The following RASEF variants were observed in gnomAD, a reference collection of about 807,000 sequenced individuals.
RASEF encodes the protein ras and EF-hand domain-containing protein.
A neutral mutation model predicts 90.1 loss-of-function variants in RASEF; 68 were observed. That is an observed-to-expected ratio of 0.75 (90% confidence interval 0.62 to 0.92). The LOEUF (loss-of-function observed/expected upper bound fraction) is 0.92, where lower values mean the gene tolerates loss of function less well. RASEF is among the 40% of genes least tolerant of loss of function. The probability of loss-of-function intolerance (pLI) is 0.00; values close to 1 mark genes in which losing one functional copy is unlikely to be tolerated. For synonymous variants in RASEF, 331 were observed against 345.2 expected, an observed-to-expected ratio of 0.96 and a Z score of 0.46; for missense variants, 949 against 937.2, an observed-to-expected ratio of 1.01 and a Z score of -0.16.
At chr9:83,071,367 A>G in the RASEF span, among the ~76,000 whole-genome samples, 1 of 152,124 alleles carries the variant, frequency 6.6e-6, no homozygotes, top group Non-Finnish European at 1.5e-5. Flanking sequence ...TCTGGCATCT[A>G]CTTAAATGAT....
At chr9:83,068,759 T>A in the RASEF span, among the ~76,000 whole-genome samples, 13 of 152,212 alleles carry the variant, frequency 8.5e-5, no homozygotes, top group Non-Finnish European at 1.9e-4. Context: ...GGTCATTTGC[T>A]TACAGTAATT....
the RASEF span, among the ~76,000 whole-genome samples, chr9:83,091,608 TA>T: frequency 1.3e-5 from 2 of 152,224 alleles, no homozygotes; most frequent in Non-Finnish European, 2.9e-5. Context: ...TATGGACATC[TA>T]ACTACTCAGC....
chr9:83,055,866 A>G (rs945008754), intron 1 of RASEF, among the ~76,000 whole-genome samples: 4 of 152,222 alleles, frequency 2.6e-5, no homozygotes, highest in Admixed American at 2.6e-4. Flanking sequence ...GATGTGAAAC[A>G]TCCATAGTCC....
chr9:83,048,346 T>C, intron 1 of RASEF: 1 of 985,380 alleles, frequency 1.0e-6, no homozygotes. Flanking sequence ...GCTGGTCTGT[T>C]TGATTTCTGA....
chr9:83,078,520 C>T, the RASEF span, among the ~76,000 whole-genome samples: 1 of 151,920 alleles, frequency 6.6e-6, no homozygotes, highest in Admixed American at 6.6e-5. Flanking sequence ...AAAAATTGGT[C>T]GGGCGTGGTG....
chr9:83,147,932 CCTT>C, the RASEF span, among the ~76,000 whole-genome samples: 1 of 152,138 alleles, frequency 6.6e-6, no homozygotes, highest in East Asian at 1.9e-4. Flanking sequence ...CTCAGACACT[CCTT>C]CTCTGCTGTG....
At chr9:83,170,275 A>G in the RASEF span, among the ~76,000 whole-genome samples, 1 of 151,910 alleles carries the variant, frequency 6.6e-6, no homozygotes, top group Non-Finnish European at 1.5e-5. Context: ...ATTCTGTTGC[A>G]TTGGTCTATG....
rs542564501 is a variant in RASEF at position 83,047,213 on chromosome 9, G to A, written c.431+15224C>T. Among the ~76,000 whole-genome samples, 4 of 152,088 alleles carry A rather than the reference G, an allele frequency of 2.6e-5. No homozygotes were observed. The South Asian group carries it at 6.2e-4, about 24-fold the overall frequency. ...AAATGGAAGACAAGGACAGATACATGTGAGAACATTTAAGGAACAAAGCTT... is the reference window on the plus strand; with the variant it reads ...AAATGGAAGACAAGGACAGATACATATGAGAACATTTAAGGAACAAAGCTT... On this transcript the variant is annotated intron_variant, in intron 1 of 16. Transcript: ENST00000376447.
At chr9:83,177,033 A>G in the RASEF span, among the ~76,000 whole-genome samples, 4 of 152,076 alleles carry the variant, frequency 2.6e-5, no homozygotes, top group Non-Finnish European at 5.9e-5. Context: ...CTTTATTCCC[A>G]TCACCTTCTC....
intron 4 of RASEF, among the ~76,000 whole-genome samples, chr9:83,013,422 C>T (rs986431011): frequency 6.6e-6 from 1 of 152,158 alleles, no homozygotes; most frequent in Non-Finnish European, 1.5e-5. Context: ...ATGACTGCCA[C>T]GAGGCTGACT....
In RASEF at chr9:82,998,186, T is replaced by G. The variant is rs72740853; in HGVS notation, c.1805+179A>C. On this transcript the variant is annotated intron_variant, in intron 13 of 16. Coordinates refer to ENST00000376447, the MANE Select transcript of RASEF (RefSeq NM_152573.4). ...AGGAGTCATAGGTAAATGAAGGAGA[T>G]GTGCGAGAATATAAGCATTTTAAAG... 3.9e-3 allele frequency among the ~76,000 whole-genome samples: 593 copies of G among 152,296 alleles called. 6 individuals are homozygous for G. The highest frequency in any genetic ancestry group is 6.4e-3 in the Non-Finnish European group (432 of 68,012).
At chr9:83,173,082 C>G in the RASEF span, among the ~76,000 whole-genome samples, 1 of 151,914 alleles carries the variant, frequency 6.6e-6, no homozygotes, top group South Asian at 2.1e-4. Flanking sequence ...TTCTTCTGGC[C>G]TGTAAGGTTT....
intron 16 of RASEF, among the ~76,000 whole-genome samples, chr9:82,985,801 G>A (rs1828700396): frequency 6.6e-6 from 1 of 152,126 alleles, no homozygotes; most frequent in Non-Finnish European, 1.5e-5. Flanking sequence ...GAGGCAAGGG[G>A]TGAAGCAAGA....
chr9:82,979,819 A>C lies in RASEF; in HGVS notation c.*2858T>G, dbSNP rs1181872673. 6.6e-6 allele frequency: 1 copy of C among 152,196 alleles called. No homozygotes were observed. The highest frequency in any genetic ancestry group is 1.5e-5 in the Non-Finnish European group (1 of 68,044). The allele number at this position is 152,196 out of a possible 1,614,324, so 9.4% of individuals were successfully genotyped here. The stretch of plus-strand genomic sequence containing the variant: ...GGCCTACTTAATATATACATATGAA[A>C]TTTCTTACACACACACAATAAATGC... On this transcript the variant is annotated 3_prime_UTR_variant, in exon 17 of 17. Coordinates refer to ENST00000376447, the MANE Select transcript of RASEF (RefSeq NM_152573.4).
chr9:83,105,313 T>C, the RASEF span, among the ~76,000 whole-genome samples: 2 of 152,082 alleles, frequency 1.3e-5, no homozygotes, highest in African/African-American at 2.4e-5. Context: ...AGCACTATGT[T>C]AAAAGTGAAA....
chr9:83,185,273 T>C, the RASEF span, among the ~76,000 whole-genome samples: 4 of 151,618 alleles, frequency 2.6e-5, no homozygotes, highest in African/African-American at 9.7e-5. Flanking sequence ...GCAAAATAAA[T>C]ACCTCCAAAA....
At chr9:83,146,359 C>CT in the RASEF span, among the ~76,000 whole-genome samples, 3 of 152,130 alleles carry the variant, frequency 2.0e-5, no homozygotes, top group South Asian at 4.1e-4. Context: ...TAATCCCCTA[C>CT]TATGTGCTAT....
At chr9:83,015,964 A>C in intron 3 of RASEF, 64 bp from the exon 4 acceptor site, 4 of 1,165,600 alleles carry the variant, frequency 3.4e-6, no homozygotes, top group Non-Finnish European at 5.1e-6. Flanking sequence ...TCAAAACCCC[A>C]CAGGTGAGAA....
At chr9:83,006,189 T>C (rs552753750) in intron 7 of RASEF, among the ~76,000 whole-genome samples, 2 of 152,252 alleles carry the variant, frequency 1.3e-5, no homozygotes, top group Admixed American at 6.5e-5. Context: ...GAACACTTCC[T>C]TGACCTTCTT....
Sources: gnomAD v4.1 joint callset for allele counts (sites outside exome capture counted in the v4.1 genomes callset) on GRCh38, gnomAD v4.1.1 for gene constraint, MANE v1.5 for transcripts, NCBI Gene and HGNC (gene_info 2026-07-23, HGNC 2026-07-21) for gene names.